The following EXOC2 variants were observed in gnomAD, a reference collection of about 807,000 sequenced individuals.
The protein encoded by EXOC2 is SEC5-like 1.
EXOC2 carries 70 observed loss-of-function variants against 131.8 expected under a neutral mutation model. The ratio of observed to expected loss-of-function variants is 0.53; its 90% confidence interval spans 0.44 to 0.65. The LOEUF (loss-of-function observed/expected upper bound fraction) is 0.65. Among genes scored for constraint, EXOC2 ranks in the 30% least tolerant of loss-of-function variants. The pLI is 0.00. For synonymous variants in EXOC2, 411 were observed against 398.4 expected (o/e 1.03, Z -0.38); for missense variants, 923 against 1,108.6 (o/e 0.83, Z 2.38).
chr6:685,598 T>G (rs886288522), intron 1 of EXOC2, among the ~76,000 whole-genome samples: 5 of 152,214 alleles, frequency 3.3e-5, no homozygotes, highest in Non-Finnish European at 5.9e-5. Flanking sequence ...TTCTACCATA[T>G]AACAGCACAC....
chr6:635,436 AG>A (rs1561952948), intron 2 of EXOC2, among the ~76,000 whole-genome samples: 3 of 152,246 alleles, frequency 2.0e-5, no homozygotes, highest in Non-Finnish European at 4.4e-5. Flanking sequence ...ATGAATAATC[AG>A]CAAATAATTC....
chr6:686,136 G>C (rs1330760897), intron 1 of EXOC2, among the ~76,000 whole-genome samples: 1 of 151,710 alleles, frequency 6.6e-6, no homozygotes, highest in African/African-American at 2.4e-5. Context: ...TAATTTTTTT[G>C]TATTTTTAGT....
intron 1 of EXOC2, chr6:657,005 C>A: frequency 7.3e-7 from 1 of 1,376,990 alleles, no homozygotes; most frequent in Non-Finnish European, 9.8e-7. Context: ...ACAAGCCCTT[C>A]CGGTCCGCTG....
chr6:555,419 G>T, intron 19 of EXOC2, 131 bp from the exon 20 acceptor site: 1 of 498,562 alleles, frequency 2.0e-6, no homozygotes, highest in Non-Finnish European at 3.6e-6. Context: ...TTGTGTGCAT[G>T]TATGAATATG....
At position 564,442 on chromosome 6, in the gene EXOC2, A is replaced by G. The variant is rs368599241; in HGVS notation, c.1667+103T>C. The G allele has an allele frequency of 2.0e-6, 3 of 1,481,784 alleles. No individual in the cohort carries two copies. In the East Asian group the frequency reaches 6.8e-5, roughly 34 times the overall value. The allele number at this position is 1,481,784 out of a possible 1,614,324, so 91.8% of individuals were successfully genotyped here. A position where few individuals can be genotyped will look rare whatever the true frequency, so the allele number is the denominator to read the frequency against. On this transcript the variant is annotated intron_variant, in intron 15 of 27. Transcript: ENST00000230449. ...AAACAGTGGAGGCAAAAGGACAAAA[A>G]GAAGAAAAAGAAGAATTTCTTCTTC...
At chr6:687,945 A>G (rs1487794488) in intron 1 of EXOC2, among the ~76,000 whole-genome samples, 6 of 152,216 alleles carry the variant, frequency 3.9e-5, no homozygotes, top group Admixed American at 2.6e-4. Flanking sequence ...ATAAAGGCCA[A>G]CAGAAGGAAG....
At chr6:623,740 T>C (rs1343640788) in intron 4 of EXOC2, among the ~76,000 whole-genome samples, 2 of 152,146 alleles carry the variant, frequency 1.3e-5, no homozygotes, top group African/African-American at 2.4e-5. Flanking sequence ...CTGCTCTTGA[T>C]TGGATAAACT....
At position 553,915 on chromosome 6, in the gene EXOC2, G is replaced by A; in HGVS notation, c.2060C>T (p.Ser687Phe). Residue 687 changes from serine to phenylalanine, a missense_variant, in exon 21 of 28, where the codon TCT (serine) becomes TTT (phenylalanine). Transcript: ENST00000230449. ...PDADIDTTHL[S>F]VDVSSPDLFG... ...CAAGTCAGGGGAAGAAACATCAACA[G>A]AGAGACTGAACATAGAAGCAAGTAG... The A allele has an allele frequency of 1.9e-6, 3 of 1,613,808 alleles. No individual in the cohort carries two copies. The highest frequency in any genetic ancestry group is 2.5e-6 in the Non-Finnish European group (3 of 1,179,732).
intron 4 of EXOC2, among the ~76,000 whole-genome samples, chr6:628,136 AAGG>A (rs1446623165): frequency 6.6e-6 from 1 of 152,186 alleles, no homozygotes; most frequent in Non-Finnish European, 1.5e-5. Context: ...CATCGACCCT[AAGG>A]AACAGGTACT....
At chr6:567,222 C>T (rs2985278) in intron 13 of EXOC2, among the ~76,000 whole-genome samples, 14,252 of 152,146 alleles carry the variant, frequency 0.094, 934 homozygotes, top group African/African-American at 0.19. Context: ...TCCCAGCCCT[C>T]CCACTGCTCA....
At chr6:559,579 T>C (rs1757594793) in intron 17 of EXOC2, among the ~76,000 whole-genome samples, 1 of 152,200 alleles carries the variant, frequency 6.6e-6, no homozygotes, top group South Asian at 2.1e-4. Flanking sequence ...TCCCTGCAGA[T>C]AGTTATGTGG....
At chr6:674,855 A>G (rs1764037628) in intron 1 of EXOC2, among the ~76,000 whole-genome samples, 1 of 152,022 alleles carries the variant, frequency 6.6e-6, no homozygotes, top group African/African-American at 2.4e-5. Flanking sequence ...CCTGGTCTGA[A>G]TACCCTTCAA....
At chr6:501,963 T>G (rs926170826) in intron 23 of EXOC2, among the ~76,000 whole-genome samples, 2 of 152,068 alleles carry the variant, frequency 1.3e-5, no homozygotes, top group African/African-American at 4.8e-5. Context: ...AGAGGCTTTC[T>G]TCCCGCAGGA....
At chr6:598,207 T>C (rs1561907136) in intron 9 of EXOC2, 84 bp from the exon 10 acceptor site, 1 of 1,136,150 alleles carries the variant, frequency 8.8e-7, no homozygotes, top group East Asian at 2.6e-5. Context: ...TAGTTGCTTT[T>C]GTGGGGTGAG....
intron 23 of EXOC2, among the ~76,000 whole-genome samples, chr6:507,563 C>T (rs796571834): frequency 3.3e-4 from 50 of 152,212 alleles, no homozygotes; most frequent in African/African-American, 1.1e-3. Flanking sequence ...AAAGAGAGGG[C>T]TTTTGCTTGA....
At chr6:490,353 A>G (rs1763357979) in intron 26 of EXOC2, among the ~76,000 whole-genome samples, 3 of 152,220 alleles carry the variant, frequency 2.0e-5, no homozygotes, top group South Asian at 4.1e-4. Context: ...AGTATGTTGT[A>G]CAGACAAACG....
At chr6:620,493 C>T (rs1045841665) in intron 4 of EXOC2, among the ~76,000 whole-genome samples, 1 of 152,196 alleles carries the variant, frequency 6.6e-6, no homozygotes, top group Non-Finnish European at 1.5e-5. Flanking sequence ...CCCCAAAACA[C>T]TGGACAAGCC....
chr6:636,494 T>A (rs1487199843), intron 2 of EXOC2, among the ~76,000 whole-genome samples: 2 of 152,176 alleles, frequency 1.3e-5, no homozygotes, highest in Non-Finnish European at 2.9e-5. Context: ...AAGAATTGGC[T>A]AGGCAGTGCA....
Position 629,960 on chromosome 6 carries a change from G to T in EXOC2, c.297C>A (p.Gly99=). Residue 99 remains glycine (G), a splice_region_variant and synonymous_variant, in exon 4 of 28, where the codon GGC becomes GGA. Transcript: ENST00000230449. ...CCCACACAGCAGACTGATCCAAAAT[G>T]CCTACAGAAATGAGGAGCATATGCT... The part of the protein sequence containing the change: ...SFKLLKPEKI[G]ILDQSAVWVD... The T allele has an allele frequency of 6.2e-7, 1 of 1,613,756 alleles. No homozygotes were observed. Among genetic ancestry groups the T allele is most frequent in the Non-Finnish European group, 8.5e-7 (1 of 1,179,788 alleles).
Sources: allele counts gnomAD v4.1 joint callset (sites outside exome capture counted in the v4.1 genomes callset), GRCh38; gene constraint gnomAD v4.1.1; transcripts MANE v1.5; gene names NCBI Gene and HGNC (gene_info 2026-07-23, HGNC 2026-07-21).